Variants in RARG observed in about 807,000 individuals in gnomAD.
The protein encoded by RARG is RAR-gamma.
A neutral mutation model predicts 43.7 loss-of-function variants in RARG; 17 were observed. The ratio of observed to expected loss-of-function variants is 0.39; its 90% CI spans 0.27 to 0.58. The LOEUF is 0.58. Ranked by LOEUF, RARG falls within the 20% of genes least tolerant of loss-of-function variation. RARG has a pLI of 0.57. For synonymous variants in RARG, 238 were observed against 236.4 expected (o/e 1.01, Z -0.06); for missense variants, 346 against 598.7 (o/e 0.58, Z 4.40).
At chr12:53,221,603 G>T (rs1052025902) in intron 3 of RARG, among the ~76,000 whole-genome samples, 2 of 152,172 alleles carry the variant, frequency 1.3e-5, no homozygotes, top group African/African-American at 2.4e-5. Context: ...GAGCGCCCTC[G>T]CCCGGCGGAG....
Position 53,213,846 on chromosome 12 carries a change from G to T in RARG, c.814-146C>A. 2 of 1,106,654 alleles carry T rather than the reference G, an allele frequency of 1.8e-6. No homozygotes were observed. Among genetic ancestry groups the T allele is most frequent in the Non-Finnish European group, 2.6e-6 (2 of 764,488 alleles). 68.6% of individuals were successfully genotyped at this position (1,106,654 alleles called of 1,614,324 possible). On this transcript the variant is annotated intron_variant, in intron 7 of 9. Transcript: ENST00000425354. The surrounding 1 kb of genome is among the most constrained non-coding windows in gnomAD (Gnocchi z 4.7). ...GGCAGAGGTGGAGGATCTGAGGCTT[G>T]GCAGGGGTAGTCCCGGGAAGTCAGG...
intron 9 of RARG, among the ~76,000 whole-genome samples, chr12:53,212,794 G>A (rs1232106435): frequency 6.7e-6 from 1 of 149,840 alleles, no homozygotes; most frequent in East Asian, 2.0e-4. Context: ...TTGGAATTGT[G>A]CTGAATTAAA....
At chr12:53,216,988 C>T (rs930226747) in intron 3 of RARG, among the ~76,000 whole-genome samples, 25 of 152,178 alleles carry the variant, frequency 1.6e-4, no homozygotes, top group African/African-American at 5.5e-4. Context: ...GTGTGTCCCA[C>T]GCACCCACCT....
At chr12:53,216,181 C>G (rs994754743) in intron 3 of RARG, among the ~76,000 whole-genome samples, 1 of 152,160 alleles carries the variant, frequency 6.6e-6, no homozygotes, top group African/African-American at 2.4e-5. Context: ...TCTGAGCTCT[C>G]TAGTCACTCT....
rs770576322 is a variant in RARG, at chr12:53,215,003, G to A, written c.475+290C>T. 2 of 492,838 alleles carry A rather than the reference G, an allele frequency of 4.1e-6. No individual in the cohort carries two copies. Among genetic ancestry groups the A allele is most frequent in the Non-Finnish European group, 7.3e-6 (2 of 275,552 alleles). The allele number at this position is 492,838 out of a possible 1,614,324, so 30.5% of individuals were successfully genotyped here. On this transcript the variant is annotated intron_variant, in intron 5 of 9. Transcript: ENST00000425354. This position sits in a 1 kb window ranked among gnomAD's most constrained non-coding sequence, Gnocchi z 6.4. ...CTGGCTCAGTCCAGGGGAGGGAAAG[G>A]GACTGGCAAGCCCACTGGCTTCATT...
chr12:53,212,547 G>C (rs915073238), intron 9 of RARG, among the ~76,000 whole-genome samples: 2 of 152,096 alleles, frequency 1.3e-5, no homozygotes, highest in Admixed American at 6.6e-5. Flanking sequence ...GGCCTCAACT[G>C]ATCTTTCTGC....
chr12:53,223,776 T>C (rs1367446841), intron 3 of RARG, among the ~76,000 whole-genome samples: 2 of 152,164 alleles, frequency 1.3e-5, no homozygotes, highest in Admixed American at 1.3e-4. Context: ...TCTGTGAGTC[T>C]CTCTTTTTCA....
At position 53,221,951 on chromosome 12, in the gene RARG, C is replaced by T. The variant is rs910745102; in HGVS notation, c.184+5411G>A. 2.6e-5 allele frequency among the ~76,000 whole-genome samples: 4 copies of T among 151,020 alleles called. No homozygotes were observed. In the East Asian group the frequency reaches 7.8e-4, roughly 30 times the overall value. On this transcript the variant is annotated intron_variant, in intron 3 of 9. Coordinates refer to ENST00000425354, the MANE Select transcript of RARG (RefSeq NM_000966.6). ...GCACTGGGGTGCTGCAGGAGTGGGG[C>T]GCCTGTTGGAAGAATAAAGGGCAGG...
chr12:53,227,319 T>C lies in RARG; in HGVS notation c.184+43A>G, dbSNP rs745641433. Reference sequence around the variant, plus strand: ...TACCATCCACCCTCCTGATGCCTTCTTGTTAACATTTGCCTTCATTCCCCA... The same window carrying C: ...TACCATCCACCCTCCTGATGCCTTCCTGTTAACATTTGCCTTCATTCCCCA... On this transcript the variant is annotated intron_variant, in intron 3 of 9. Transcript: ENST00000425354. The surrounding 1 kb of genome is among the most constrained non-coding windows in gnomAD (Gnocchi z 4.3). 1 of 1,485,660 alleles carries C rather than the reference T, an allele frequency of 6.7e-7. No individual in the cohort carries two copies. Among genetic ancestry groups the C allele is most frequent in the East Asian group, 2.5e-5 (1 of 40,484 alleles). 92.0% of individuals were successfully genotyped at this position (1,485,660 alleles called of 1,614,324 possible).
chr12:53,219,441 A>G (rs1942883746), intron 3 of RARG, among the ~76,000 whole-genome samples: 1 of 152,114 alleles, frequency 6.6e-6, no homozygotes, highest in Admixed American at 6.5e-5. Context: ...TCACGCCACA[A>G]ACATCCCCTC....
chr12:53,214,694 C>A, intron 5 of RARG, 88 bp from the exon 6 acceptor site: 2 of 1,300,386 alleles, frequency 1.5e-6, no homozygotes, highest in South Asian at 1.5e-5. Context: ...TATGCTCAGT[C>A]CTTATCATGA....
rs1942737658 is a variant in RARG at position 53,215,594 on chromosome 12, T to C, written c.333+52A>G. On this transcript the variant is annotated intron_variant, in intron 4 of 9. Coordinates refer to ENST00000425354, the MANE Select transcript of RARG (RefSeq NM_000966.6). The surrounding 1 kb of genome is among the most constrained non-coding windows in gnomAD (Gnocchi z 6.4). ...CAGCATCTGTGTGCCTGGTCTCTCA[T>C]CTTACTAGGGTAACTGGATCCCCCG... The C allele has an allele frequency of 3.8e-6, 6 of 1,591,832 alleles. No homozygotes were observed. In the Admixed American group the frequency reaches 1.0e-4, roughly 27 times the overall value.
rs763296042 is a variant in RARG, at chr12:53,227,574, G to A, written c.-29C>T. 2.0e-6 allele frequency: 3 copies of A among 1,502,366 alleles called. No individual in the cohort carries two copies. Among genetic ancestry groups the A allele is most frequent in the Non-Finnish European group, 2.7e-6 (3 of 1,124,450 alleles). 93.1% of individuals were successfully genotyped at this position (1,502,366 alleles called of 1,614,324 possible). A position where few individuals can be genotyped will look rare whatever the true frequency, so the allele number is the denominator to read the frequency against. On this transcript the variant is annotated 5_prime_UTR_variant, in exon 3 of 10. Coordinates refer to ENST00000425354, the MANE Select transcript of RARG (RefSeq NM_000966.6). This position sits in a 1 kb window ranked among gnomAD's most constrained non-coding sequence, Gnocchi z 4.3. ...AGCTGCGGTGTGAGAGTCCCCTGGG[G>A]TCTGCAGTGGGCGGGCGAGGTCTTC...
rs186194112 is a variant in RARG, at chr12:53,215,452, A to G, written c.334-18T>C. The G allele has an allele frequency of 7.4e-6, 12 of 1,613,964 alleles. No homozygotes were observed. The Admixed American group carries it at 1.2e-4, about 16-fold the overall frequency. ...AAGAAGCCCTGGAGTTGAGGGAAAG[A>G]GAGAGGGCCTCTGAAGCACAATGCT... On this transcript the variant is annotated intron_variant, in intron 4 of 9. Coordinates refer to ENST00000425354, the MANE Select transcript of RARG (RefSeq NM_000966.6). This position sits in a 1 kb window ranked among gnomAD's most constrained non-coding sequence, Gnocchi z 6.4.
chr12:53,217,194 T>C (rs1232151834), intron 3 of RARG, among the ~76,000 whole-genome samples: 1 of 151,990 alleles, frequency 6.6e-6, no homozygotes, highest in East Asian at 1.9e-4. Flanking sequence ...AGAGTGAGAT[T>C]ACCCAAAGAA....
intron 5 of RARG, chr12:53,214,876 G>T (rs1193402543): frequency 2.2e-6 from 1 of 444,472 alleles, no homozygotes; most frequent in Non-Finnish European, 4.0e-6. Context: ...AGCTGGGGGA[G>T]GGGGGGCAGG....
intron 3 of RARG, chr12:53,220,280 A>G: frequency 7.4e-7 from 1 of 1,347,828 alleles, no homozygotes; most frequent in Non-Finnish European, 9.7e-7. Context: ...CAGCAGGGGA[A>G]AGGGACTGGG....
intron 3 of RARG, among the ~76,000 whole-genome samples, chr12:53,218,780 C>T (rs1942852262): frequency 2.6e-5 from 4 of 152,136 alleles, no homozygotes; most frequent in Admixed American, 2.6e-4. Context: ...GCGCACTCCC[C>T]CAGCGCCCGC....
chr12:53,221,911 T>C lies in RARG; in HGVS notation c.184+5451A>G, dbSNP rs558678177. ...GGCGCGCTTTTCTAAGAATCTGTTG[T>C]ACCGGGTGGGGGGCGCACTGGGGTG... On this transcript the variant is annotated intron_variant, in intron 3 of 9. Coordinates refer to ENST00000425354, the MANE Select transcript of RARG (RefSeq NM_000966.6). 1.2e-3 allele frequency among the ~76,000 whole-genome samples: 181 copies of C among 151,444 alleles called. 1 individual carries two copies. The highest frequency in any genetic ancestry group is 3.4e-3 in the Middle Eastern group (1 of 294).
Sources: gnomAD v4.1 joint callset for allele counts (sites outside exome capture counted in the v4.1 genomes callset) on GRCh38, gnomAD v4.1.1 for gene constraint, Gnocchi (gnomAD v3.1) non-coding constraint, MANE v1.5 for transcripts, NCBI Gene and HGNC (gene_info 2026-07-23, HGNC 2026-07-21) for gene names.